Variants in SDK1 observed in about 807,000 individuals in gnomAD.
The protein encoded by SDK1 is protein sidekick-1.
A neutral mutation model predicts 245.5 loss-of-function variants in SDK1; 157 were observed. The observed-to-expected ratio is 0.64, with a 90% CI of 0.56 to 0.73. The LOEUF (loss-of-function observed/expected upper bound fraction) is 0.73. Ranked by LOEUF, SDK1 falls within the 30% of genes least tolerant of loss-of-function variation. The pLI, the probability that SDK1 is intolerant of heterozygous loss-of-function variation, is 0.00. For synonymous variants in SDK1, 1,647 were observed against 1,278.5 expected (o/e 1.29, Z -6.15); for missense variants, 3,583 against 3,002.3 (o/e 1.19, Z -4.52).
At chr7:3,823,439 A>T (rs1468136877) in intron 5 of SDK1, among the ~76,000 whole-genome samples, 1 of 152,236 alleles carries the variant, frequency 6.6e-6, no homozygotes, top group Admixed American at 6.5e-5. Flanking sequence ...TTAACATCAC[A>T]AAGTTATAAA....
intron 1 of SDK1, among the ~76,000 whole-genome samples, chr7:3,424,267 G>A (rs918907926): frequency 6.6e-6 from 1 of 152,166 alleles, no homozygotes; most frequent in African/African-American, 2.4e-5. Flanking sequence ...CAAATTGTAA[G>A]AAGATTATTT....
intron 4 of SDK1, among the ~76,000 whole-genome samples, chr7:3,811,811 G>A (rs1779391728): frequency 6.6e-6 from 1 of 152,240 alleles, no homozygotes; most frequent in Admixed American, 6.5e-5. Flanking sequence ...CAGCCATTCT[G>A]TTCCTGAGTT....
intron 1 of SDK1, among the ~76,000 whole-genome samples, chr7:3,320,038 A>G (rs984841012): frequency 1.3e-5 from 2 of 151,954 alleles, no homozygotes; most frequent in Admixed American, 1.3e-4. Flanking sequence ...ATGAGGCAGA[A>G]TCACAATTCT....
chr7:3,475,204 C>T (rs930105486), intron 1 of SDK1, among the ~76,000 whole-genome samples: 1 of 152,148 alleles, frequency 6.6e-6, no homozygotes, highest in African/African-American at 2.4e-5. Flanking sequence ...CTGAACTCTC[C>T]CTCCTGCTCT....
At chr7:3,858,469 G>GA (rs530345322) in intron 5 of SDK1, among the ~76,000 whole-genome samples, 30 of 147,818 alleles carry the variant, frequency 2.0e-4, no homozygotes, top group Middle Eastern at 3.4e-3. Flanking sequence ...AAATACCCAG[G>GA]AAAAAAAAAT....
intron 4 of SDK1, among the ~76,000 whole-genome samples, chr7:3,743,513 C>T (rs6964615): frequency 0.064 from 9,811 of 152,140 alleles, 1,044 homozygotes; most frequent in African/African-American, 0.23. Context: ...AAATAAGAGT[C>T]TCTAACAAAA....
intron 1 of SDK1, among the ~76,000 whole-genome samples, chr7:3,329,382 C>G (rs991959048): frequency 6.6e-6 from 1 of 152,136 alleles, no homozygotes; most frequent in Non-Finnish European, 1.5e-5. Flanking sequence ...ATACAATTCA[C>G]CTACCATATA....
intron 18 of SDK1, 102 bp from the exon 19 acceptor site, chr7:4,051,536 T>A: frequency 2.0e-6 from 2 of 1,012,678 alleles, no homozygotes; most frequent in South Asian, 3.2e-5. Flanking sequence ...TTCTTAATTA[T>A]GACTTTACAT....
intron 5 of SDK1, among the ~76,000 whole-genome samples, chr7:3,916,433 C>T (rs1292020009): frequency 1.3e-5 from 2 of 152,180 alleles, no homozygotes; most frequent in African/African-American, 4.8e-5. Flanking sequence ...TCCTGAGTTT[C>T]TATTTTCCTT....
chr7:3,966,277 G>T lies in SDK1; in HGVS notation c.1430-1041G>T, dbSNP rs572407411. Among the ~76,000 whole-genome samples the T allele has an allele frequency of 2.6e-5, 4 of 152,284 alleles. No individual in the cohort carries two copies. In the East Asian group the frequency reaches 7.8e-4, roughly 30 times the overall value. ...ATGGTCCATGGGATTCTCAGCAGGT[G>T]CAGGCAGAGGCGGCGGCTGTGCCCT... On this transcript the variant is annotated intron_variant, in intron 9 of 44. Coordinates refer to ENST00000404826, the MANE Select transcript of SDK1 (RefSeq NM_152744.4).
At chr7:3,434,720 G>A (rs1246309300) in intron 1 of SDK1, among the ~76,000 whole-genome samples, 1 of 152,144 alleles carries the variant, frequency 6.6e-6, no homozygotes, top group East Asian at 1.9e-4. Context: ...CCTGTGAGGT[G>A]TGAGTTGTTG....
chr7:4,082,469 A>T (rs1166796047), intron 22 of SDK1, among the ~76,000 whole-genome samples: 2 of 149,448 alleles, frequency 1.3e-5, no homozygotes, highest in African/African-American at 2.5e-5. Context: ...TGGGAGGCGG[A>T]GTTTGCAGTG....
At chr7:3,504,099 AAGATCGCGCC>A (rs1341030460) in intron 1 of SDK1, among the ~76,000 whole-genome samples, 2 of 151,698 alleles carry the variant, frequency 1.3e-5, no homozygotes, top group African/African-American at 4.8e-5. Context: ...GTAGTGAGCC[AAGATCGCGCC>A]ATTGCACTCC....
rs377210469 is a variant in SDK1, at chr7:3,679,566, CAAAAAAG to C, written c.713+37466_713+37472del. On this transcript the variant is annotated intron_variant, in intron 4 of 44. Transcript: ENST00000404826. ...TGGGCGACAGAGCGAGACTCCATCT[CAAAAAAG>C]AAAAGAAAATGGGCAAAGGAGATTA... Among the ~76,000 whole-genome samples, 1,148 of 148,838 alleles carry C rather than the reference CAAAAAAG, an allele frequency of 7.7e-3. 14 individuals carry two copies. The highest frequency in any genetic ancestry group is 0.027 in the African/African-American group (1,085 of 40,446).
At chr7:3,445,010 C>G (rs551581833) in intron 1 of SDK1, among the ~76,000 whole-genome samples, 17 of 152,260 alleles carry the variant, frequency 1.1e-4, no homozygotes, top group African/African-American at 3.9e-4. Context: ...CCAGCAGAGT[C>G]AGTAGGCATA....
At chr7:3,646,626 G>A (rs1220974679) in intron 4 of SDK1, among the ~76,000 whole-genome samples, 1 of 152,136 alleles carries the variant, frequency 6.6e-6, no homozygotes, top group East Asian at 1.9e-4. Context: ...GGATCAGCCT[G>A]ATTCTTTCCA....
rs114771197 is a variant in SDK1, at chr7:3,733,464, T to C, written c.714-87986T>C. Reference sequence around the variant, plus strand: ...CTTTGCTTTAACCGGATTCATACAGTCTTCTATCCAGGGCTGGAAGTTACA... The same window carrying C: ...CTTTGCTTTAACCGGATTCATACAGCCTTCTATCCAGGGCTGGAAGTTACA... On this transcript the variant is annotated intron_variant, in intron 4 of 44. Transcript: ENST00000404826. Among the ~76,000 whole-genome samples the C allele has an allele frequency of 1.3e-3, 200 of 152,308 alleles. 1 individual carries two copies. Among genetic ancestry groups the C allele is most frequent in the African/African-American group, 4.7e-3 (194 of 41,568 alleles).
intron 1 of SDK1, among the ~76,000 whole-genome samples, chr7:3,476,732 T>G (rs753831439): frequency 9.9e-5 from 15 of 152,218 alleles, no homozygotes; most frequent in Non-Finnish European, 1.8e-4. Context: ...AACCGTTCAC[T>G]GAGGCTGGAG....
chr7:3,642,132 C>T lies in SDK1; in HGVS notation c.713+27C>T, dbSNP rs375576148. On this transcript the variant is annotated intron_variant, in intron 4 of 44. Coordinates refer to ENST00000404826, the MANE Select transcript of SDK1 (RefSeq NM_152744.4). ...TAAGTTGCTCCAAACGTTAAAGCTT[C>T]AAATACAATTGTAATGTCACTTGCT... 3.1e-6 allele frequency: 5 copies of T among 1,609,158 alleles called. No homozygotes were observed. The African/African-American group carries it at 6.7e-5, about 22-fold the overall frequency.
Sources: allele counts gnomAD v4.1 joint callset (sites outside exome capture counted in the v4.1 genomes callset), GRCh38; gene constraint gnomAD v4.1.1; transcripts MANE v1.5; gene names NCBI Gene and HGNC (gene_info 2026-07-23, HGNC 2026-07-21).